USP32: variants seen among roughly 807,000 people sequenced by gnomAD.
USP32 encodes ubiquitin carboxyl-terminal hydrolase 32.
USP32 carries 59 observed loss-of-function variants against 204.8 expected under a neutral mutation model. That is an observed-to-expected ratio of 0.29 (90% CI 0.23 to 0.36). The LOEUF is 0.36. Among genes scored for constraint, USP32 ranks in the 10% least tolerant of loss-of-function variants. The pLI, the probability that USP32 is intolerant of heterozygous loss-of-function variation, is 1.00. For synonymous variants in USP32, 517 were observed against 678.4 expected (o/e 0.76, Z 3.70); for missense variants, 1,160 against 1,946.4 (o/e 0.60, Z 7.60).
intron 11 of USP32, among the ~76,000 whole-genome samples, chr17:60,251,181 A>ATG (rs2086157767): frequency 6.6e-6 from 1 of 151,846 alleles, no homozygotes; most frequent in African/African-American, 2.4e-5. Context: ...GAGCTCAAAC[A>ATG]ATCCACCTGC....
chr17:60,388,884 G>C (rs2089779676), intron 1 of USP32, among the ~76,000 whole-genome samples: 1 of 152,124 alleles, frequency 6.6e-6, no homozygotes, highest in African/African-American at 2.4e-5. Context: ...CTCAGGCCCA[G>C]TAAGTGTTAT....
In USP32 at chr17:60,230,105, C is replaced by T. The variant is rs185113519; in HGVS notation, c.1240-3874G>A. Among the ~76,000 whole-genome samples, 204 of 152,256 alleles carry T rather than the reference C, an allele frequency of 1.3e-3. 1 individual carries two copies. The highest frequency in any genetic ancestry group is 4.5e-3 in the African/African-American group (187 of 41,546). The stretch of plus-strand genomic sequence containing the variant: ...CTGGGGTTACAGGCGTGAGTCACTG[C>T]GCCCGACCACAAATTACTTTCTAAA... On this transcript the variant is annotated intron_variant, in intron 12 of 33. Coordinates refer to ENST00000300896, the MANE Select transcript of USP32 (RefSeq NM_032582.4).
chr17:60,213,172 T>C (rs2085016206), intron 18 of USP32, among the ~76,000 whole-genome samples: 1 of 152,244 alleles, frequency 6.6e-6, no homozygotes, highest in African/African-American at 2.4e-5. Context: ...AATATACAAA[T>C]AGCTCTGTCA....
intron 1 of USP32, among the ~76,000 whole-genome samples, chr17:60,410,968 A>G (rs1198895246): frequency 2.0e-5 from 3 of 151,756 alleles, no homozygotes; most frequent in Non-Finnish European, 4.4e-5. Context: ...AGTCCCAGCT[A>G]CTTAGGAGAC....
intron 1 of USP32, among the ~76,000 whole-genome samples, chr17:60,360,036 T>A (rs940617110): frequency 6.6e-6 from 1 of 151,864 alleles, no homozygotes; most frequent in Non-Finnish European, 1.5e-5. Context: ...CCTGGCTAAT[T>A]TTTTTGTATT....
chr17:60,297,843 T>G (rs78097279), intron 3 of USP32, among the ~76,000 whole-genome samples: 3,275 of 152,268 alleles, frequency 0.022, 137 homozygotes, highest in African/African-American at 0.075. Flanking sequence ...TGAAAACAGT[T>G]GCAGCTCATT....
At chr17:60,339,434 T>A (rs1305538634) in intron 2 of USP32, among the ~76,000 whole-genome samples, 1 of 151,558 alleles carries the variant, frequency 6.6e-6, no homozygotes, top group East Asian at 2.0e-4. Context: ...AATACAAAAA[T>A]TAGCCAGGCG....
intron 29 of USP32, 81 bp from the exon 30 acceptor site, chr17:60,185,732 G>A: frequency 6.8e-7 from 1 of 1,481,104 alleles, no homozygotes; most frequent in Non-Finnish European, 9.1e-7. Context: ...CAACCTCTTG[G>A]TCACTCACCC....
At chr17:60,386,568 T>C (rs1451945426) in intron 1 of USP32, among the ~76,000 whole-genome samples, 1 of 152,144 alleles carries the variant, frequency 6.6e-6, no homozygotes, top group African/African-American at 2.4e-5. Context: ...CCTGAGAAAA[T>C]ATCTGGCTAT....
chr17:60,365,141 C>G (rs1437467781), intron 1 of USP32, among the ~76,000 whole-genome samples: 1 of 152,054 alleles, frequency 6.6e-6, no homozygotes, highest in African/African-American at 2.4e-5. Flanking sequence ...CAACTAAGCT[C>G]TATTCAGTTA....
In USP32 at chr17:60,205,602, G is replaced by T. The variant is rs1275200807; in HGVS notation, c.3094C>A (p.Leu1032Ile). 5.6e-6 allele frequency: 9 copies of T among 1,613,836 alleles called. No homozygotes were observed. The highest frequency in any genetic ancestry group is 2.7e-5 in the African/African-American group (2 of 74,922). ...EMFTLTTNGD[L>I]PRPIFIPNGM... is the part of the protein sequence containing the mutation. ...TTGGGGATGAATATTGGTCGGGGTAGGTCCCCATTGGTAGTTAGGGTGAAC... is the reference window on the plus strand; with the variant it reads ...TTGGGGATGAATATTGGTCGGGGTATGTCCCCATTGGTAGTTAGGGTGAAC... The change falls in exon 26 of 34, where the codon CTA (leucine) becomes ATA (isoleucine). Residue 1032 changes from leucine to isoleucine, a missense_variant. Physicochemically the swap from Leu to Ile is conservative, Grantham distance 5. Around this residue, in one of 8 missense-constraint regions of USP32, gnomAD observed 47 missense variants for 71.1 expected, o/e 0.66. Transcript: ENST00000300896.
chr17:60,390,565 A>C (rs1254944107), intron 1 of USP32, among the ~76,000 whole-genome samples: 1 of 152,224 alleles, frequency 6.6e-6, no homozygotes, highest in Non-Finnish European at 1.5e-5. Context: ...CATAAAAGGC[A>C]TATCTGTGTT....
chr17:60,415,218 G>T (rs1000475634), intron 1 of USP32, among the ~76,000 whole-genome samples: 2 of 152,196 alleles, frequency 1.3e-5, no homozygotes, highest in Non-Finnish European at 2.9e-5. Flanking sequence ...AGGGCTGGAT[G>T]TAGGCTGCTG....
chr17:60,248,531 G>C (rs1389660214), intron 11 of USP32, among the ~76,000 whole-genome samples: 2 of 152,044 alleles, frequency 1.3e-5, no homozygotes, highest in Non-Finnish European at 2.9e-5. Context: ...GTGAAACTCT[G>C]TTCATTTATT....
At position 60,392,060 on chromosome 17, in the gene USP32, C is replaced by A; in HGVS notation, c.-121G>T. ...TCGGCGTCCCCCGCCCCCACCTCCCCCCACACTAACAAGTGCGGCTTCTGC... is the reference window on the plus strand; with the variant it reads ...TCGGCGTCCCCCGCCCCCACCTCCCACCACACTAACAAGTGCGGCTTCTGC... On this transcript the variant is annotated 5_prime_UTR_variant, in exon 1 of 34. Coordinates refer to ENST00000300896, the MANE Select transcript of USP32 (RefSeq NM_032582.4). The A allele has an allele frequency of 2.5e-6, 3 of 1,188,244 alleles. No individual in the cohort carries two copies. The highest frequency in any genetic ancestry group is 3.5e-6 in the Non-Finnish European group (3 of 852,260). The allele number at this position is 1,188,244 out of a possible 1,614,324, so 73.6% of individuals were successfully genotyped here.
At chr17:60,294,383 A>T (rs928109188) in intron 4 of USP32, among the ~76,000 whole-genome samples, 5 of 146,376 alleles carry the variant, frequency 3.4e-5, no homozygotes, top group East Asian at 2.0e-4. Context: ...TTCCTGCAGG[A>T]GTGTGTGTGT....
In USP32 at chr17:60,189,335, T is replaced by C. The variant is rs1258915344; in HGVS notation, c.3642+1228A>G. 4.6e-5 allele frequency among the ~76,000 whole-genome samples: 7 copies of C among 152,324 alleles called. No homozygotes were observed. The East Asian group carries it at 1.3e-3, about 29-fold the overall frequency. ...AGAAACTAGGTCTAGAATTGGTAGT[T>C]TCCCCAGTCCTCCATAGCACAACAA... On this transcript the variant is annotated intron_variant, in intron 29 of 33. Coordinates refer to ENST00000300896, the MANE Select transcript of USP32 (RefSeq NM_032582.4).
intron 9 of USP32, chr17:60,256,663 C>T (rs2086314585): frequency 9.4e-7 from 1 of 1,060,392 alleles, no homozygotes; most frequent in Non-Finnish European, 1.1e-6. Flanking sequence ...TAAATTGTCC[C>T]ACTGTAGTGT....
intron 32 of USP32, among the ~76,000 whole-genome samples, chr17:60,180,877 T>TATTATTA (rs1048612749): frequency 1.0e-4 from 15 of 147,824 alleles, no homozygotes; most frequent in African/African-American, 3.4e-4. Flanking sequence ...CTATTATTAT[T>TATTATTA]ATTATTATTA....
Sources: allele counts gnomAD v4.1 joint callset (sites outside exome capture counted in the v4.1 genomes callset), GRCh38; gene constraint gnomAD v4.1.1; regional missense constraint gnomAD v4.1.1; transcripts MANE v1.5; gene names NCBI Gene and HGNC (gene_info 2026-07-23, HGNC 2026-07-21).